STAU1: variants seen among roughly 807,000 people sequenced by gnomAD.
STAU1 encodes the protein double-stranded RNA-binding protein Staufen homolog 1.
In STAU1, 13 loss-of-function variants were observed where a neutral mutation model predicts 62.9. The observed-to-expected ratio is 0.21, with a 90% CI of 0.13 to 0.33. The LOEUF is 0.33. STAU1 is among the 10% of genes least tolerant of loss of function. The probability of loss-of-function intolerance (pLI) is 1.00; values close to 1 mark genes in which losing one functional copy is unlikely to be tolerated. For synonymous variants in STAU1, 269 were observed against 265.1 expected, an observed-to-expected ratio of 1.01 and a Z score of -0.14; for missense variants, 571 against 712.1, an observed-to-expected ratio of 0.80 and a Z score of 2.25.
At chr20:49,170,778 T>C (rs894834653) in intron 2 of STAU1, among the ~76,000 whole-genome samples, 1 of 142,162 alleles carries the variant, frequency 7.0e-6, no homozygotes, top group Non-Finnish European at 1.5e-5. Flanking sequence ...AAACAAGATG[T>C]GTCTGGGAAA....
At chr20:49,186,494 A>C (rs752449582) in intron 1 of STAU1, among the ~76,000 whole-genome samples, 27 of 152,142 alleles carry the variant, frequency 1.8e-4, no homozygotes, top group African/African-American at 2.4e-4. Context: ...CAGTTCACTA[A>C]GGAAATTTAA....
intron 6 of STAU1, chr20:49,134,824 A>G: frequency 1.4e-6 from 2 of 1,475,672 alleles, no homozygotes; most frequent in Admixed American, 3.4e-5. Flanking sequence ...CACTTCACGC[A>G]ATTTATACCA....
chr20:49,196,291 C>T, the STAU1 span, among the ~76,000 whole-genome samples: 3 of 151,410 alleles, frequency 2.0e-5, no homozygotes, highest in Non-Finnish European at 4.4e-5. Flanking sequence ...AAAAAATTAG[C>T]CGGGCAAGGT....
chr20:49,217,961 C>T, the STAU1 span, among the ~76,000 whole-genome samples: 3 of 151,568 alleles, frequency 2.0e-5, no homozygotes, highest in African/African-American at 4.8e-5. Flanking sequence ...GCAACTTCCG[C>T]CTCCTGGGTT....
intron 3 of STAU1, among the ~76,000 whole-genome samples, 180 bp from the exon 4 acceptor site, chr20:49,154,251 A>G (rs1451043166): frequency 1.3e-5 from 2 of 152,224 alleles, no homozygotes; most frequent in South Asian, 2.1e-4. Context: ...TGATTTCTAG[A>G]TATTTATACA....
chr20:49,213,941 G>A, the STAU1 span, among the ~76,000 whole-genome samples: 2,325 of 152,340 alleles, frequency 0.015, 60 homozygotes, highest in South Asian at 0.07. Flanking sequence ...GGCCAGGTGG[G>A]TGGCTCATGC....
chr20:49,182,553 G>T (rs2093737595), intron 1 of STAU1, among the ~76,000 whole-genome samples: 1 of 152,128 alleles, frequency 6.6e-6, no homozygotes, highest in African/African-American at 2.4e-5. Flanking sequence ...AAGAGCAGAA[G>T]GTATGCCGGG....
At chr20:49,123,373 C>T (rs73268126) in intron 7 of STAU1, 138 bp from the exon 8 acceptor site, 3 of 1,024,988 alleles carry the variant, frequency 2.9e-6, no homozygotes, top group Middle Eastern at 2.3e-4. Context: ...TTTAATTTAA[C>T]ATTTTAACAA....
chr20:49,133,891 G>A (rs1364392643), intron 6 of STAU1, among the ~76,000 whole-genome samples: 4 of 152,042 alleles, frequency 2.6e-5, no homozygotes, highest in Non-Finnish European at 4.4e-5. Context: ...AGGGTGAGGT[G>A]AGAAATCATC....
At chr20:49,204,619 TA>T in the STAU1 span, among the ~76,000 whole-genome samples, 44 of 48,002 alleles carry the variant, frequency 9.2e-4, no homozygotes, top group South Asian at 2.0e-3. Context: ...TATATATATA[TA>T]TATGTGTATA....
intron 4 of STAU1, among the ~76,000 whole-genome samples, chr20:49,153,079 T>C (rs536689101): frequency 3.3e-5 from 5 of 150,630 alleles, no homozygotes; most frequent in African/African-American, 1.2e-4. Flanking sequence ...TGAAACCCCG[T>C]CTCTACTAAA....
At chr20:49,136,157 A>T (rs1003856700) in intron 5 of STAU1, among the ~76,000 whole-genome samples, 1 of 152,072 alleles carries the variant, frequency 6.6e-6, no homozygotes, top group Admixed American at 6.6e-5. Context: ...ACTTAGGTGG[A>T]TGTGGTGGTG....
At chr20:49,135,287 T>C (rs948860574) in intron 6 of STAU1, among the ~76,000 whole-genome samples, 8 of 152,274 alleles carry the variant, frequency 5.3e-5, no homozygotes, top group African/African-American at 1.9e-4. Flanking sequence ...TTGGATGAAC[T>C]ATATGTCTTT....
the STAU1 span, among the ~76,000 whole-genome samples, chr20:49,208,652 C>A: frequency 2.0e-5 from 3 of 150,596 alleles, no homozygotes; most frequent in Non-Finnish European, 4.4e-5. Flanking sequence ...CAGAGTCTCG[C>A]TCTGTCGCCC....
At chr20:49,205,992 T>C in the STAU1 span, among the ~76,000 whole-genome samples, 1 of 147,674 alleles carries the variant, frequency 6.8e-6, no homozygotes, top group African/African-American at 2.5e-5. Context: ...TTTCTTTTTT[T>C]TTTTTTTTTG....
Position 49,166,054 on chromosome 20 carries a change from G to A in STAU1, c.148C>T (p.Pro50Ser). 6.2e-7 allele frequency: 1 copy of A among 1,614,180 alleles called. No homozygotes were observed. Among genetic ancestry groups the A allele is most frequent in the Non-Finnish European group, 8.5e-7 (1 of 1,180,034 alleles). The change falls in exon 3 of 14, where the codon CCC (proline) becomes TCC (serine). Residue 50 changes from proline to serine, a missense_variant. By Grantham distance (74) the Pro-to-Ser change is moderately conservative (BLOSUM62 -1). This residue lies in a region of STAU1 where 414 missense variants were observed against 499.6 expected (regional missense o/e 0.83). Transcript: ENST00000371856. ...GAGGGTAAAGCAGAGTTTTGAATGG[G>A]TCTACCTGCATTTTCAGAGGGCAGA... The part of the protein sequence containing the change: ...SSLPSENAGR[P>S]IQNSALPSAS...
chr20:49,118,414 A>C lies in STAU1; in HGVS notation c.1114-6T>G. On this transcript the variant is annotated splice_region_variant and splice_polypyrimidine_tract_variant and intron_variant, in intron 9 of 13. Coordinates refer to ENST00000371856, the MANE Select transcript of STAU1 (RefSeq NM_017453.4). The stretch of plus-strand genomic sequence containing the variant: ...CCTGGTTTCTTTATGGGTGTCTTAA[A>C]AAAGAAGAAGAAAAAAAAAAGGCCA... The C allele has an allele frequency of 6.2e-7, 1 of 1,602,952 alleles. No homozygotes were observed. Among genetic ancestry groups the C allele is most frequent in the Non-Finnish European group, 8.5e-7 (1 of 1,175,454 alleles).
intron 5 of STAU1, among the ~76,000 whole-genome samples, chr20:49,148,349 A>G (rs148493174): frequency 2.0e-5 from 3 of 152,376 alleles, no homozygotes; most frequent in Admixed American, 1.3e-4. Flanking sequence ...GGCTTTCTGT[A>G]TAAGGTGTAT....
the STAU1 span, among the ~76,000 whole-genome samples, chr20:49,194,975 A>G: frequency 2.0e-5 from 3 of 152,106 alleles, no homozygotes; most frequent in East Asian, 3.9e-4. Flanking sequence ...GGAAACCATA[A>G]AAGTACCAGA....
Sources: allele counts gnomAD v4.1 joint callset (sites outside exome capture counted in the v4.1 genomes callset), GRCh38; gene constraint gnomAD v4.1.1; regional missense constraint gnomAD v4.1.1; transcripts MANE v1.5; gene names NCBI Gene and HGNC (gene_info 2026-07-23, HGNC 2026-07-21).